The following NBEA variants were observed in gnomAD, a reference collection of about 807,000 sequenced individuals.
NBEA encodes lysosomal-trafficking regulator 2.
NBEA carries 44 observed loss-of-function variants against 343.4 expected under a neutral mutation model. The ratio of observed to expected loss-of-function variants is 0.13; its 90% CI spans 0.10 to 0.16. The LOEUF is 0.16. Ranked by LOEUF, NBEA falls within the 10% of genes least tolerant of loss-of-function variation. The pLI, the probability that NBEA is intolerant of heterozygous loss-of-function variation, is 1.00. For missense variants in NBEA, 2,555 were observed against 3,631.3 expected (o/e 0.70, Z 7.62); for synonymous variants, 1,175 against 1,238.7 (o/e 0.95, Z 1.08).
At chr13:35,156,014 TG>T in intron 19 of NBEA, 68 bp from the exon 20 acceptor site, 1 of 1,494,946 alleles carries the variant, frequency 6.7e-7, no homozygotes, top group Non-Finnish European at 9.0e-7. Flanking sequence ...ATTTGAAAGT[TG>T]GTAATACTTT....
intron 38 of NBEA, among the ~76,000 whole-genome samples, chr13:35,377,489 G>A (rs570699175): frequency 2.9e-4 from 44 of 152,294 alleles, no homozygotes; most frequent in Non-Finnish European, 4.3e-4. Context: ...GATAGTTAAT[G>A]TCTCCCAAAT....
At chr13:35,392,590 A>T (rs2152900674) in intron 38 of NBEA, among the ~76,000 whole-genome samples, 1 of 152,162 alleles carries the variant, frequency 6.6e-6, no homozygotes, top group African/African-American at 2.4e-5. Flanking sequence ...GCTACTAGGA[A>T]TGATATATAA....
At chr13:35,117,960 G>A (rs1372581469) in intron 14 of NBEA, among the ~76,000 whole-genome samples, 4 of 151,876 alleles carry the variant, frequency 2.6e-5, no homozygotes, top group African/African-American at 7.2e-5. Flanking sequence ...ATAGTCATAA[G>A]AATACTTAGA....
At chr13:35,001,033 C>T (rs2061119395) in intron 1 of NBEA, among the ~76,000 whole-genome samples, 1 of 151,988 alleles carries the variant, frequency 6.6e-6, no homozygotes, top group South Asian at 2.1e-4. Flanking sequence ...AACTCCTGGA[C>T]TCAGGTGATC....
intron 38 of NBEA, among the ~76,000 whole-genome samples, chr13:35,398,294 T>C (rs2042838317): frequency 6.6e-6 from 1 of 152,136 alleles, no homozygotes; most frequent in East Asian, 1.9e-4. Context: ...TCCATGAAGG[T>C]TGAAATTAGC....
Position 35,472,257 on chromosome 13 carries a change from A to G in NBEA, c.6449-143A>G, listed in dbSNP as rs766914491. ...ATAAAAGCTAAGTAGTCCTTATCTT[A>G]CGTGAAAAAAGAGTTTGCCGCATAA... is the stretch of plus-strand genomic sequence containing the variant. On this transcript the variant is annotated intron_variant, in intron 40 of 58. Transcript: ENST00000379939. 2.5e-4 allele frequency: 195 copies of G among 778,704 alleles called. 1 individual carries two copies. The highest frequency in any genetic ancestry group is 3.5e-4 in the Non-Finnish European group (180 of 507,246). 48.2% of individuals were successfully genotyped at this position (778,704 alleles called of 1,614,324 possible).
intron 44 of NBEA, among the ~76,000 whole-genome samples, chr13:35,562,318 TTC>T (rs1245478182): frequency 2.0e-5 from 3 of 152,130 alleles, no homozygotes; most frequent in African/African-American, 7.2e-5. Context: ...TTGACCTGAT[TTC>T]TGTTTGTTTT....
intron 18 of NBEA, among the ~76,000 whole-genome samples, chr13:35,150,766 C>T (rs910928118): frequency 7.1e-6 from 1 of 140,740 alleles, no homozygotes; most frequent in Non-Finnish European, 1.6e-5. Flanking sequence ...TAATAAAGAA[C>T]CAACTTATGG....
chr13:35,567,565 G>A (rs1406298925), intron 45 of NBEA, among the ~76,000 whole-genome samples: 1 of 152,214 alleles, frequency 6.6e-6, no homozygotes, highest in Non-Finnish European at 1.5e-5. Flanking sequence ...AAACTACAGT[G>A]TGATACTAAA....
chr13:34,987,628 C>T (rs2060599550), intron 1 of NBEA, among the ~76,000 whole-genome samples: 1 of 150,980 alleles, frequency 6.6e-6, no homozygotes, highest in Non-Finnish European at 1.5e-5. Flanking sequence ...CTTTTAGGTA[C>T]ACCAATCAAA....
intron 41 of NBEA, among the ~76,000 whole-genome samples, chr13:35,530,562 T>C (rs904931759): frequency 1.3e-5 from 2 of 152,264 alleles, no homozygotes; most frequent in South Asian, 2.1e-4. Context: ...TTAGATTTTC[T>C]GACACATTTT....
chr13:35,581,440 A>G (rs1036537124), intron 45 of NBEA, among the ~76,000 whole-genome samples: 2 of 151,762 alleles, frequency 1.3e-5, no homozygotes, highest in Admixed American at 6.6e-5. Context: ...GTGTCTGTTC[A>G]TGTCCTTCGC....
At chr13:35,108,666 C>A (rs529405417) in intron 11 of NBEA, among the ~76,000 whole-genome samples, 2 of 152,128 alleles carry the variant, frequency 1.3e-5, no homozygotes, top group East Asian at 3.9e-4. Flanking sequence ...GGGCTTCTGG[C>A]TACTGTATGA....
chr13:35,053,057 C>G (rs1363714017), intron 6 of NBEA, among the ~76,000 whole-genome samples: 1 of 151,982 alleles, frequency 6.6e-6, no homozygotes, highest in Admixed American at 6.6e-5. Context: ...TGTCTTAGTT[C>G]CGCAGCTTAT....
chr13:35,652,758 G>T, intron 53 of NBEA, among the ~76,000 whole-genome samples: 1 of 124,594 alleles, frequency 8.0e-6, no homozygotes, highest in African/African-American at 3.0e-5. Context: ...ACAGTGGCGC[G>T]ATCTCGGCTC....
At chr13:35,217,209 T>A (rs2074112666) in intron 33 of NBEA, among the ~76,000 whole-genome samples, 1 of 152,032 alleles carries the variant, frequency 6.6e-6, no homozygotes, top group South Asian at 2.1e-4. Flanking sequence ...CTTTTGCCTA[T>A]TTTTTAATTG....
At chr13:35,148,106 G>C (rs887990339) in intron 18 of NBEA, among the ~76,000 whole-genome samples, 3 of 152,104 alleles carry the variant, frequency 2.0e-5, no homozygotes, top group African/African-American at 7.2e-5. Context: ...TCCAAACACT[G>C]GTGGGACCTT....
At chr13:35,286,515 T>C (rs1054507104) in intron 34 of NBEA, among the ~76,000 whole-genome samples, 3 of 152,132 alleles carry the variant, frequency 2.0e-5, no homozygotes, top group Non-Finnish European at 4.4e-5. Context: ...AGGAACATTC[T>C]GCTAGAGATG....
chr13:35,615,842 G>A (rs1178860636), intron 48 of NBEA, among the ~76,000 whole-genome samples: 2 of 152,050 alleles, frequency 1.3e-5, no homozygotes, highest in Non-Finnish European at 2.9e-5. Context: ...ATTCAGCATG[G>A]TCCAGCCCCA....
Sources: allele counts gnomAD v4.1 joint callset (sites outside exome capture counted in the v4.1 genomes callset), GRCh38; gene constraint gnomAD v4.1.1; transcripts MANE v1.5; gene names NCBI Gene and HGNC (gene_info 2026-07-23, HGNC 2026-07-21).